Variants in SOX5 observed in about 807,000 individuals in gnomAD.
SOX5 encodes the protein SRY-box transcription factor 5.
Under a neutral mutation model 92.0 loss-of-function variants are expected in SOX5, and 9 were observed. The observed-to-expected ratio is 0.10, with a 90% CI of 0.06 to 0.17. SOX5 has a LOEUF of 0.17. SOX5 is among the 10% of genes least tolerant of loss of function. The pLI is 1.00. For missense variants in SOX5, 642 were observed against 944.5 expected, an observed-to-expected ratio of 0.68 and a Z score of 4.20; for synonymous variants, 344 against 336.3, an observed-to-expected ratio of 1.02 and a Z score of -0.25.
intron 3 of SOX5, among the ~76,000 whole-genome samples, chr12:24,271,071 T>C (rs1595011060): frequency 6.6e-6 from 1 of 152,362 alleles, no homozygotes; most frequent in Admixed American, 6.5e-5. Context: ...GCAAGGGCTA[T>C]AAATTTCAAC....
At chr12:24,237,739 G>C (rs1200734119) in intron 3 of SOX5, 1 of 152,110 alleles carries the variant, frequency 6.6e-6, no homozygotes, top group East Asian at 1.9e-4. Context: ...CTTATTTCAT[G>C]TGTATTATCT....
intron 6 of SOX5, among the ~76,000 whole-genome samples, chr12:23,666,331 T>C (rs890881328): frequency 1.3e-5 from 2 of 152,100 alleles, no homozygotes; most frequent in Non-Finnish European, 2.9e-5. Flanking sequence ...ATACTCTAAT[T>C]TGCTGGTCCC....
intron 1 of SOX5, among the ~76,000 whole-genome samples, chr12:23,902,934 T>C (rs1459260355): frequency 6.6e-6 from 1 of 152,026 alleles, no homozygotes; most frequent in East Asian, 1.9e-4. Context: ...ATTGAATGAG[T>C]CCCTATTTTA....
At chr12:24,283,919 A>G (rs1341004892) in intron 2 of SOX5, among the ~76,000 whole-genome samples, 1 of 152,182 alleles carries the variant, frequency 6.6e-6, no homozygotes, top group Non-Finnish European at 1.5e-5. Context: ...ATTCCAGCTA[A>G]AGTAGAGTTT....
At position 23,855,033 on chromosome 12, in the gene SOX5, A is replaced by G. The variant is rs1257335208; in HGVS notation, c.271-8840T>C. Reference sequence around the variant, plus strand: ...CATATTAGCCTATAAAGATGAATAAAACATAGAATATACAAAAACAAATAA... The same window carrying G: ...CATATTAGCCTATAAAGATGAATAAGACATAGAATATACAAAAACAAATAA... On this transcript the variant is annotated intron_variant, in intron 2 of 14. Coordinates refer to ENST00000451604, the MANE Select transcript of SOX5 (RefSeq NM_006940.6). 2.6e-5 allele frequency among the ~76,000 whole-genome samples: 4 copies of G among 150,980 alleles called. No individual in the cohort carries two copies. In the East Asian group the frequency reaches 7.9e-4, roughly 30 times the overall value.
intron 1 of SOX5, among the ~76,000 whole-genome samples, chr12:23,939,318 T>C (rs1341974303): frequency 6.6e-6 from 1 of 151,108 alleles, no homozygotes; most frequent in Non-Finnish European, 1.5e-5. Flanking sequence ...TATTTGCACA[T>C]TTCTCTTTGG....
chr12:23,892,074 C>T (rs2097134843), intron 2 of SOX5, among the ~76,000 whole-genome samples: 1 of 151,758 alleles, frequency 6.6e-6, no homozygotes, highest in African/African-American at 2.4e-5. Flanking sequence ...ATGACTATGC[C>T]TTCAAAAAGG....
chr12:24,440,961 G>GCCAT, intron 1 of SOX5, among the ~76,000 whole-genome samples: 1 of 152,104 alleles, frequency 6.6e-6, no homozygotes, highest in Admixed American at 6.5e-5. Flanking sequence ...CCATGACCTG[G>GCCAT]GTCACATCCC....
chr12:24,053,576 C>T (rs939645779), intron 4 of SOX5, among the ~76,000 whole-genome samples: 2 of 152,038 alleles, frequency 1.3e-5, no homozygotes, highest in African/African-American at 4.8e-5. Context: ...CTACCAAATC[C>T]CTATAAATAG....
chr12:24,222,046 G>T (rs569519477), intron 3 of SOX5, among the ~76,000 whole-genome samples: 2 of 152,308 alleles, frequency 1.3e-5, no homozygotes, highest in Non-Finnish European at 2.9e-5. Flanking sequence ...AAAATTAAAA[G>T]CCAATGTGGA....
chr12:24,492,855 T>G (rs1453393284), intron 1 of SOX5, among the ~76,000 whole-genome samples: 2 of 152,208 alleles, frequency 1.3e-5, no homozygotes, highest in African/African-American at 2.4e-5. Flanking sequence ...TATTAAAATT[T>G]TTTTAAGAAA....
intron 3 of SOX5, among the ~76,000 whole-genome samples, chr12:23,838,974 G>A (rs1206983510): frequency 1.3e-5 from 2 of 151,524 alleles, no homozygotes; most frequent in African/African-American, 4.8e-5. Context: ...CAAGCAGCTG[G>A]GATTACAGGT....
chr12:24,058,392 T>C (rs561599043), intron 4 of SOX5, among the ~76,000 whole-genome samples: 168 of 152,328 alleles, frequency 1.1e-3, no homozygotes, highest in Non-Finnish European at 2.1e-3. Context: ...CTGGACACAA[T>C]GTACATCTGC....
At chr12:23,837,930 A>G (rs1220984788) in intron 3 of SOX5, among the ~76,000 whole-genome samples, 1 of 119,302 alleles carries the variant, frequency 8.4e-6, no homozygotes, top group African/African-American at 3.4e-5. Context: ...TTATATTTAT[A>G]TAATATATAT....
chr12:24,112,695 AT>A (rs907495099), intron 4 of SOX5, among the ~76,000 whole-genome samples: 44 of 148,276 alleles, frequency 3.0e-4, no homozygotes, highest in South Asian at 8.6e-4. Context: ...TGCCCAGCTA[AT>A]TTTTTTTTTC....
chr12:23,763,543 A>C (rs1300223233), intron 3 of SOX5, among the ~76,000 whole-genome samples: 2 of 152,154 alleles, frequency 1.3e-5, no homozygotes, highest in South Asian at 2.1e-4. Context: ...AATAAAGATG[A>C]TAAAGGAATG....
At chr12:24,469,992 AT>A (rs1944633779) in intron 1 of SOX5, among the ~76,000 whole-genome samples, 1 of 152,252 alleles carries the variant, frequency 6.6e-6, no homozygotes, top group Non-Finnish European at 1.5e-5. Context: ...GACCAGTGTC[AT>A]ATCAAGTAAT....
chr12:24,500,633 C>T (rs1462015824), intron 1 of SOX5, among the ~76,000 whole-genome samples: 1 of 152,130 alleles, frequency 6.6e-6, no homozygotes, highest in Non-Finnish European at 1.5e-5. Context: ...TCATTTTGAC[C>T]TTTCATTACT....
At chr12:24,269,516 A>AT in intron 3 of SOX5, among the ~76,000 whole-genome samples, 1 of 152,234 alleles carries the variant, frequency 6.6e-6, no homozygotes, top group East Asian at 1.9e-4. Flanking sequence ...TATGGTGTTC[A>AT]ACTAAGCCTT....
Sources: allele counts gnomAD v4.1 joint callset (sites outside exome capture counted in the v4.1 genomes callset), GRCh38; gene constraint gnomAD v4.1.1; transcripts MANE v1.5; gene names NCBI Gene and HGNC (gene_info 2026-07-23, HGNC 2026-07-21).